Variants in CADM2 observed in about 807,000 individuals in gnomAD.
CADM2 encodes the protein cell adhesion molecule 2.
CADM2 carries 12 observed loss-of-function variants against 49.8 expected under a neutral mutation model. The ratio of observed to expected loss-of-function variants is 0.24; its 90% CI spans 0.15 to 0.39. CADM2 has a LOEUF of 0.39. CADM2 is among the 10% of genes least tolerant of loss of function. The pLI, the probability that CADM2 is intolerant of heterozygous loss-of-function variation, is 1.00. For missense variants in CADM2, 378 were observed against 492.3 expected (o/e 0.77, Z 2.20); for synonymous variants, 214 against 175.4 (o/e 1.22, Z -1.74).
rs990672327 is a variant in CADM2 at position 85,307,727 on chromosome 3, A to G, written c.61+348059A>G. ...AGATAAAATAGGTCAATTTAATATT[A>G]TTAATTATGCATAAATATTTACATC... On this transcript the variant is annotated intron_variant, in intron 1 of 9. Coordinates refer to ENST00000383699, the MANE Select transcript of CADM2 (RefSeq NM_001167675.2). Among the ~76,000 whole-genome samples, 4 of 151,740 alleles carry G rather than the reference A, an allele frequency of 2.6e-5. No individual in the cohort carries two copies. In the East Asian group the frequency reaches 7.7e-4, roughly 29 times the overall value.
intron 1 of CADM2, among the ~76,000 whole-genome samples, chr3:85,146,116 G>C (rs993626828): frequency 6.6e-6 from 1 of 152,094 alleles, no homozygotes; most frequent in Non-Finnish European, 1.5e-5. Context: ...CCTTAGGATT[G>C]CTGCGAGTTA....
At chr3:85,909,585 G>A (rs747237094) in intron 5 of CADM2, among the ~76,000 whole-genome samples, 52 of 152,124 alleles carry the variant, frequency 3.4e-4, no homozygotes, top group Admixed American at 1.2e-3. Context: ...TATGGTCTGT[G>A]GGCTAGCAGC....
intron 3 of CADM2, among the ~76,000 whole-genome samples, chr3:85,811,629 A>G (rs938690006): frequency 6.6e-6 from 1 of 152,212 alleles, no homozygotes; most frequent in African/African-American, 2.4e-5. Context: ...AAGTACATTT[A>G]TAAGTTGGCA....
Position 85,180,557 on chromosome 3 carries a change from C to T in CADM2, c.61+220889C>T, listed in dbSNP as rs114555998. Among the ~76,000 whole-genome samples the T allele has an allele frequency of 3.4e-3, 512 of 149,604 alleles. 1 individual carries two copies. Among genetic ancestry groups the T allele is most frequent in the African/African-American group, 0.012 (491 of 40,752 alleles). ...AAAAAAGAGAAGGAGAAAAAATGAC[C>T]ACCCTACCTTCTCTCTTGTCCACTT... On this transcript the variant is annotated intron_variant, in intron 1 of 9. Coordinates refer to ENST00000383699, the MANE Select transcript of CADM2 (RefSeq NM_001167675.2).
At chr3:85,358,790 C>T (rs1036865687) in intron 1 of CADM2, among the ~76,000 whole-genome samples, 19 of 152,048 alleles carry the variant, frequency 1.2e-4, no homozygotes, top group South Asian at 2.1e-4. Flanking sequence ...ATAATACATA[C>T]GTGGTTCAGA....
At chr3:85,366,463 G>C (rs1218269412) in intron 1 of CADM2, among the ~76,000 whole-genome samples, 1 of 152,124 alleles carries the variant, frequency 6.6e-6, no homozygotes, top group Non-Finnish European at 1.5e-5. Context: ...TAATAAATAT[G>C]ACAATGCAGT....
intron 1 of CADM2, among the ~76,000 whole-genome samples, chr3:85,303,015 T>C (rs2044136407): frequency 6.6e-6 from 1 of 152,006 alleles, no homozygotes. Context: ...TTAAAAATGC[T>C]CTTTCATAAC....
chr3:85,418,870 G>GT (rs1415166563), intron 1 of CADM2, among the ~76,000 whole-genome samples: 2 of 151,990 alleles, frequency 1.3e-5, no homozygotes, highest in African/African-American at 2.4e-5. Flanking sequence ...AATTATAGTA[G>GT]TTAAATGGAA....
At chr3:85,411,722 C>T (rs950946425) in intron 1 of CADM2, among the ~76,000 whole-genome samples, 1 of 152,142 alleles carries the variant, frequency 6.6e-6, no homozygotes, top group Non-Finnish European at 1.5e-5. Flanking sequence ...TTCAAGCTAA[C>T]AAATTGACCT....
At chr3:85,861,672 G>T (rs1324535442) in intron 3 of CADM2, among the ~76,000 whole-genome samples, 1 of 152,066 alleles carries the variant, frequency 6.6e-6, no homozygotes, top group Non-Finnish European at 1.5e-5. Context: ...GATATTTGTT[G>T]ATGGTGATAG....
chr3:84,983,059 T>G (rs1286401720), intron 1 of CADM2, among the ~76,000 whole-genome samples: 1 of 152,082 alleles, frequency 6.6e-6, no homozygotes, highest in Non-Finnish European at 1.5e-5. Flanking sequence ...GAATATATAT[T>G]TTTAAATGTT....
chr3:85,982,543 C>G (rs1230982088), intron 8 of CADM2, among the ~76,000 whole-genome samples: 2 of 151,654 alleles, frequency 1.3e-5, no homozygotes, highest in Non-Finnish European at 3.0e-5. Flanking sequence ...ATTTTTCCTT[C>G]TATCCTCATC....
chr3:85,682,361 T>C (rs1002238443), intron 1 of CADM2, among the ~76,000 whole-genome samples: 2 of 152,122 alleles, frequency 1.3e-5, no homozygotes, highest in Admixed American at 6.6e-5. Context: ...GTCGACTCTT[T>C]CCCAGTAATC....
chr3:85,359,666 A>ATATATATATATATATTT lies in CADM2; in HGVS notation c.62-366855_62-366854insATATATATATATATTTT. Among the ~76,000 whole-genome samples, 35 of 26,518 alleles carry ATATATATATATATATTT rather than the reference A, an allele frequency of 1.3e-3. 1 individual carries two copies. The highest frequency in any genetic ancestry group is 2.7e-3 in the East Asian group (2 of 752). The allele number at this position is 26,518 out of a possible 152,430, so 17.4% of individuals were successfully genotyped here. On this transcript the variant is annotated intron_variant, in intron 1 of 9. Transcript: ENST00000383699. ...TATATATATATATATATATATATATATTTTTTTTTTTGGTGGAGGGGAGAA... is the reference window on the plus strand; with the variant it reads ...TATATATATATATATATATATATATATATATATATATATATTTTTTTTTTTTTTGGTGGAGGGGAGAA...
At chr3:85,234,342 G>T (rs535533091) in intron 1 of CADM2, among the ~76,000 whole-genome samples, 1 of 152,154 alleles carries the variant, frequency 6.6e-6, no homozygotes, top group South Asian at 2.1e-4. Context: ...AGATTTTATA[G>T]AATTTGAAGT....
chr3:85,716,396 A>G (rs570635123), intron 1 of CADM2, among the ~76,000 whole-genome samples: 26 of 152,108 alleles, frequency 1.7e-4, no homozygotes, highest in African/African-American at 6.3e-4. Context: ...TGTAGATTCT[A>G]GATATTAGAC....
At chr3:85,160,225 C>T (rs1461600811) in intron 1 of CADM2, among the ~76,000 whole-genome samples, 1 of 152,094 alleles carries the variant, frequency 6.6e-6, no homozygotes, top group African/African-American at 2.4e-5. Context: ...TCAAATACAT[C>T]AACCGTTACT....
At chr3:85,495,068 T>C (rs111688995) in intron 1 of CADM2, among the ~76,000 whole-genome samples, 49 of 152,292 alleles carry the variant, frequency 3.2e-4, no homozygotes, top group Middle Eastern at 3.4e-3. Context: ...GGGTAGAATA[T>C]AGTGGCACAT....
Position 85,711,286 on chromosome 3 carries a change from G to A in CADM2, c.62-15236G>A, listed in dbSNP as rs544190624. 2.0e-5 allele frequency among the ~76,000 whole-genome samples: 3 copies of A among 152,168 alleles called. No individual in the cohort carries two copies. The South Asian group carries it at 6.2e-4, about 32-fold the overall frequency. On this transcript the variant is annotated intron_variant, in intron 1 of 9. Transcript: ENST00000383699. ...GACTTTGAAGACTTGGAACATTCTG[G>A]ATCTTTCTCTTGTGTAGCTGGAGAA... is the stretch of plus-strand genomic sequence containing the variant.
Sources: allele counts gnomAD v4.1 joint callset (sites outside exome capture counted in the v4.1 genomes callset), GRCh38; gene constraint gnomAD v4.1.1; transcripts MANE v1.5; gene names NCBI Gene and HGNC (gene_info 2026-07-23, HGNC 2026-07-21).